GRM8: variants seen among roughly 807,000 people sequenced by gnomAD.
GRM8 encodes glutamate metabotropic receptor 8, also known as metabotropic glutamate receptor 8.
Under a neutral mutation model 87.2 loss-of-function variants are expected in GRM8, and 47 were observed. That is an observed-to-expected ratio of 0.54 (90% CI 0.43 to 0.69). The LOEUF (loss-of-function observed/expected upper bound fraction) is 0.69, where lower values mean the gene tolerates loss of function less well. Among genes scored for constraint, GRM8 ranks in the 30% least tolerant of loss-of-function variants. The pLI is 0.00. For synonymous variants in GRM8, 396 were observed against 404.5 expected, an observed-to-expected ratio of 0.98 and a Z score of 0.25; for missense variants, 1,019 against 1,139.2, an observed-to-expected ratio of 0.89 and a Z score of 1.52.
At chr7:126,852,699 A>G (rs1797322457) in intron 6 of GRM8, among the ~76,000 whole-genome samples, 1 of 152,172 alleles carries the variant, frequency 6.6e-6, no homozygotes, top group African/African-American at 2.4e-5. Context: ...TGCAAAATCT[A>G]GTGATGTGTG....
rs561336295 is a variant in GRM8, at chr7:126,909,182, C to A, written c.728-4499G>T. Among the ~76,000 whole-genome samples the A allele has an allele frequency of 2.6e-4, 39 of 152,236 alleles. No homozygotes were observed. In the South Asian group the frequency reaches 6.4e-3, roughly 25 times the overall value. On this transcript the variant is annotated intron_variant, in intron 3 of 10. Transcript: ENST00000339582. The stretch of plus-strand genomic sequence containing the variant: ...ACACAGATAACAGCATAAGATACAC[C>A]ACAGTTCAGTCATAAATGACAAATA...
At chr7:126,656,539 T>C (rs1804548395) in intron 7 of GRM8, among the ~76,000 whole-genome samples, 2 of 76,052 alleles carry the variant, frequency 2.6e-5, no homozygotes, top group African/African-American at 9.0e-5. Flanking sequence ...TGGTGGCACG[T>C]GCCTGTAATC....
chr7:126,947,797 A>T (rs1807706922), intron 3 of GRM8, among the ~76,000 whole-genome samples: 1 of 152,150 alleles, frequency 6.6e-6, no homozygotes. Flanking sequence ...TAACATCAAG[A>T]TTTTAGCCAG....
intron 3 of GRM8, 125 bp downstream of exon 3, chr7:127,106,371 A>G (rs1376113092): frequency 4.2e-6 from 3 of 715,806 alleles, no homozygotes; most frequent in Non-Finnish European, 7.2e-6. Flanking sequence ...TCTAGAGTGG[A>G]CAGCCTAGTT....
At chr7:127,009,266 T>C (rs927125248) in intron 3 of GRM8, among the ~76,000 whole-genome samples, 3 of 152,130 alleles carry the variant, frequency 2.0e-5, no homozygotes, top group Non-Finnish European at 4.4e-5. Context: ...TCCAAAGCAA[T>C]AGCTAAAGAA....
At chr7:126,953,736 A>T (rs1163148383) in intron 3 of GRM8, among the ~76,000 whole-genome samples, 1 of 152,138 alleles carries the variant, frequency 6.6e-6, no homozygotes, top group Non-Finnish European at 1.5e-5. Flanking sequence ...TACAACAGCA[A>T]AGGGAATGAA....
intron 2 of GRM8, among the ~76,000 whole-genome samples, chr7:127,200,268 C>CTTCTTTAGATTT (rs1242065148): frequency 6.6e-6 from 1 of 152,124 alleles, no homozygotes; most frequent in Non-Finnish European, 1.5e-5. Context: ...TTCATCCCAG[C>CTTCTTTAGATTT]TTCTTTAGAT....
At chr7:126,561,983 T>C (rs1385142650) in intron 8 of GRM8, among the ~76,000 whole-genome samples, 1 of 152,150 alleles carries the variant, frequency 6.6e-6, no homozygotes, top group Admixed American at 6.5e-5. Context: ...ATTATATTTA[T>C]TCATTTCTTT....
In GRM8 at chr7:126,904,014, C is replaced by T. The variant is rs1162403147; in HGVS notation, c.976G>A (p.Glu326Lys). Reference sequence around the variant, plus strand: ...TTGGGCAAAATTGTCACAGCCCCTTCTGCAATCTCCTCTTGCTGATAGACA... The same window carrying T: ...TTGGGCAAAATTGTCACAGCCCCTTTTGCAATCTCCTCTTGCTGATAGACA... ...APVYQQEEIA[E>K]GAVTILPKRA... The change falls in exon 5 of 11, where the codon GAA becomes AAA. Residue 326 changes from glutamate (E) to lysine (K), a missense_variant. Physicochemically the swap from Glu to Lys is moderately conservative, Grantham distance 56 (BLOSUM62 1). Coordinates refer to ENST00000339582, the MANE Select transcript of GRM8 (RefSeq NM_000845.3). 1.1e-5 allele frequency: 17 copies of T among 1,571,716 alleles called. No homozygotes were observed. The highest frequency in any genetic ancestry group is 8.4e-5 in the Admixed American group (5 of 59,766).
intron 7 of GRM8, among the ~76,000 whole-genome samples, chr7:126,663,042 T>C (rs1805377446): frequency 6.6e-6 from 1 of 152,256 alleles, no homozygotes; most frequent in African/African-American, 2.4e-5. Flanking sequence ...TTGTCTGAGA[T>C]ATTCCTAGCT....
At chr7:126,932,540 C>T (rs970946585) in intron 3 of GRM8, among the ~76,000 whole-genome samples, 3 of 152,084 alleles carry the variant, frequency 2.0e-5, no homozygotes, top group African/African-American at 4.8e-5. Flanking sequence ...AAGCATGGTG[C>T]TCACCTTAAA....
At chr7:126,740,863 A>G (rs560504834) in intron 7 of GRM8, among the ~76,000 whole-genome samples, 56 of 152,272 alleles carry the variant, frequency 3.7e-4, no homozygotes, top group Middle Eastern at 3.4e-3. Context: ...ACATTTCCCA[A>G]CGGAGAAACT....
intron 7 of GRM8, among the ~76,000 whole-genome samples, chr7:126,748,972 T>C (rs1816057179): frequency 6.6e-6 from 1 of 152,070 alleles, no homozygotes; most frequent in Non-Finnish European, 1.5e-5. Flanking sequence ...TATCATATTT[T>C]AAAATTACCC....
intron 9 of GRM8, among the ~76,000 whole-genome samples, chr7:126,529,674 T>A (rs1166209701): frequency 6.6e-6 from 1 of 152,216 alleles, no homozygotes; most frequent in East Asian, 1.9e-4. Context: ...AGGTTGACAG[T>A]GTCATAACCC....
rs183307441 is a variant in GRM8, at chr7:126,474,270, A to G, written c.2431-27898T>C. Among the ~76,000 whole-genome samples, 1,781 of 139,958 alleles carry G rather than the reference A, an allele frequency of 0.013. 82 individuals carry two copies. The East Asian group carries it at 0.14, about 11-fold the overall frequency. The allele number at this position is 139,958 out of a possible 152,430, so 91.8% of individuals were successfully genotyped here. On this transcript the variant is annotated intron_variant, in intron 9 of 10. Transcript: ENST00000339582. The stretch of plus-strand genomic sequence containing the variant: ...TGTGCATGTGTGTGTGTGTGTGTGT[A>G]TATATATATATATTTGGAGACAGGG...
chr7:126,715,646 A>C (rs1811652806), intron 7 of GRM8, among the ~76,000 whole-genome samples: 4 of 152,180 alleles, frequency 2.6e-5, no homozygotes, highest in Admixed American at 2.6e-4. Flanking sequence ...TTTCCAATAC[A>C]TTTATTGAAA....
chr7:126,822,381 ACATTTG>A (rs1206023168), intron 6 of GRM8, among the ~76,000 whole-genome samples: 2 of 152,062 alleles, frequency 1.3e-5, no homozygotes, highest in African/African-American at 4.8e-5. Context: ...CTGCCACAAC[ACATTTG>A]CATGATTTAC....
At chr7:127,166,494 A>G (rs906244286) in intron 2 of GRM8, among the ~76,000 whole-genome samples, 1 of 152,172 alleles carries the variant, frequency 6.6e-6, no homozygotes, top group Non-Finnish European at 1.5e-5. Flanking sequence ...CCAGGTTTTC[A>G]GCTTGTTGCA....
At chr7:126,731,386 C>T (rs753742965) in intron 7 of GRM8, among the ~76,000 whole-genome samples, 2 of 152,062 alleles carry the variant, frequency 1.3e-5, no homozygotes, top group Non-Finnish European at 2.9e-5. Context: ...TCACCTTTTG[C>T]GTTTCCTGAT....
Sources: gnomAD v4.1 joint callset for allele counts (sites outside exome capture counted in the v4.1 genomes callset) on GRCh38, gnomAD v4.1.1 for gene constraint, MANE v1.5 for transcripts, NCBI Gene and HGNC (gene_info 2026-07-23, HGNC 2026-07-21) for gene names.